Variants in MTMR3 observed in about 807,000 individuals in gnomAD.
MTMR3 encodes phosphatidylinositol-3,5-bisphosphate 3-phosphatase MTMR3.
A neutral mutation model predicts 132.4 loss-of-function variants in MTMR3; 32 were observed. The observed-to-expected ratio is 0.24, with a 90% CI of 0.18 to 0.32. The LOEUF is 0.32. Among genes scored for constraint, MTMR3 ranks in the 10% least tolerant of loss-of-function variants. The pLI, the probability that MTMR3 is intolerant of heterozygous loss-of-function variation, is 1.00. For synonymous variants in MTMR3, 556 were observed against 550.3 expected, an observed-to-expected ratio of 1.01 and a Z score of -0.14; for missense variants, 1,216 against 1,489.6, an observed-to-expected ratio of 0.82 and a Z score of 3.02.
rs375429154 is a variant in MTMR3, at chr22:29,978,917, G to A, written c.94-19G>A. 1.4e-5 allele frequency: 22 copies of A among 1,562,302 alleles called. No individual in the cohort carries two copies. The African/African-American group carries it at 1.8e-4, about 13-fold the overall frequency. The stretch of plus-strand genomic sequence containing the variant: ...TTTTAACTGCTTCAGAACTCTGAAG[G>A]GTTTCTTTCATTTCGAAGGTTCCTT... On this transcript the variant is annotated intron_variant, in intron 4 of 19. Coordinates refer to ENST00000401950, the MANE Select transcript of MTMR3 (RefSeq NM_021090.4).
Position 29,979,162 on chromosome 22 carries a change from A to G in MTMR3, c.210+110A>G, listed in dbSNP as rs778317304. The G allele has an allele frequency of 1.8e-4, 140 of 763,024 alleles. 1 individual carries two copies. The highest frequency in any genetic ancestry group is 3.0e-4 in the Non-Finnish European group (134 of 444,696). 47.3% of individuals were successfully genotyped at this position (763,024 alleles called of 1,614,324 possible). A position where few individuals can be genotyped will look rare whatever the true frequency, so the allele number is the denominator to read the frequency against. On this transcript the variant is annotated intron_variant, in intron 5 of 19. Transcript: ENST00000401950. The stretch of plus-strand genomic sequence containing the variant: ...ATACAGAATTGGGAGAGAAAGCATT[A>G]TGTGCTCTGCTTTTCTCACTTAATT...
chr22:29,948,513 T>C (rs1006588655), intron 1 of MTMR3, among the ~76,000 whole-genome samples: 9 of 152,200 alleles, frequency 5.9e-5, no homozygotes, highest in African/African-American at 2.2e-4. Context: ...ATGTTTAATA[T>C]CTCAAATACC....
Position 29,979,047 on chromosome 22 carries a change from G to C in MTMR3, c.205G>C (p.Val69Leu), listed in dbSNP as rs143751991. Residue 69 changes from valine (V) to leucine (L), a missense_variant, in exon 5 of 20, where the codon GTT (valine) becomes CTT (leucine). By Grantham distance (32) the Val-to-Leu change is conservative. Around this residue, in one of 7 missense-constraint regions of MTMR3, gnomAD observed 81 missense variants for 87.7 expected, o/e 0.92. Transcript: ENST00000401950. ...TCACATCAAGTTCAAGGAGTCTCTT[G>C]TTAATGTAAGTGATTACCAGCTGTT... is the stretch of plus-strand genomic sequence containing the variant. ...RLHIKFKESL[V>L]NVPLQLIESV... 49 of 1,588,670 alleles carry C rather than the reference G, an allele frequency of 3.1e-5. No homozygotes were observed. Among genetic ancestry groups the C allele is most frequent in the Non-Finnish European group, 4.0e-5 (46 of 1,156,930 alleles).
chr22:29,930,967 A>G (rs1466212231), intron 1 of MTMR3, among the ~76,000 whole-genome samples: 1 of 150,728 alleles, frequency 6.6e-6, no homozygotes, highest in Non-Finnish European at 1.5e-5. Context: ...TGATCACACC[A>G]CTGCACTCCA....
chr22:30,013,240 C>A, intron 13 of MTMR3, 116 bp from the exon 14 acceptor site: 1 of 1,042,644 alleles, frequency 9.6e-7, no homozygotes, highest in South Asian at 1.7e-5. Flanking sequence ...AGGGCAAGGC[C>A]GGGTGGGCTT....
At chr22:29,952,254 G>C (rs1382582712) in intron 1 of MTMR3, among the ~76,000 whole-genome samples, 1 of 152,108 alleles carries the variant, frequency 6.6e-6, no homozygotes, top group Non-Finnish European at 1.5e-5. Context: ...TTCTTGCTTA[G>C]GAAATGATAA....
intron 2 of MTMR3, among the ~76,000 whole-genome samples, chr22:29,959,096 T>A (rs2066256609): frequency 1.3e-5 from 2 of 152,236 alleles, no homozygotes; most frequent in African/African-American, 4.8e-5. Context: ...GAGTAATTTC[T>A]CTTTAACAGG....
intron 1 of MTMR3, among the ~76,000 whole-genome samples, chr22:29,953,599 C>G (rs1428824771): frequency 6.6e-6 from 1 of 152,132 alleles, no homozygotes. Flanking sequence ...ATATCCAATA[C>G]TGTAGTATTT....
intron 1 of MTMR3, among the ~76,000 whole-genome samples, chr22:29,901,176 T>C (rs2064996941): frequency 6.6e-6 from 1 of 152,006 alleles, no homozygotes; most frequent in South Asian, 2.1e-4. Flanking sequence ...AGATTGATGT[T>C]AATATTTATT....
intron 5 of MTMR3, chr22:29,981,538 A>T (rs1202600539): frequency 3.3e-5 from 5 of 152,192 alleles, no homozygotes; most frequent in Non-Finnish European, 1.5e-5. Flanking sequence ...ATGTTACTTA[A>T]AAAGCCCAGG....
Position 30,022,732 on chromosome 22 carries a change from T to C in MTMR3, c.3425+35T>C, listed in dbSNP as rs921861653. The C allele has an allele frequency of 5.1e-6, 8 of 1,575,590 alleles. No individual in the cohort carries two copies. The Admixed American group carries it at 1.2e-4, about 23-fold the overall frequency. ...AGGGGCTGTGGTAGGGTGGGCTGTG[T>C]GTGGAGGTTGAGGGTCGGCCCACAG... is the stretch of plus-strand genomic sequence containing the variant. On this transcript the variant is annotated intron_variant, in intron 19 of 19. Transcript: ENST00000401950.
intron 1 of MTMR3, among the ~76,000 whole-genome samples, chr22:29,919,129 T>C (rs1042012162): frequency 6.6e-6 from 1 of 152,216 alleles, no homozygotes; most frequent in Non-Finnish European, 1.5e-5. Context: ...TCGGAAAATA[T>C]ATGACTGCAT....
At chr22:29,967,121 T>C (rs1250577665) in intron 2 of MTMR3, among the ~76,000 whole-genome samples, 2 of 151,938 alleles carry the variant, frequency 1.3e-5, no homozygotes, top group Admixed American at 1.3e-4. Context: ...GCTGGGTTGA[T>C]ACTGTAACTT....
chr22:29,971,118 A>G (rs1697665791), intron 3 of MTMR3, 56 bp downstream of exon 3: 2 of 1,543,188 alleles, frequency 1.3e-6, no homozygotes, highest in South Asian at 1.2e-5. Context: ...TGTCCTGACA[A>G]TTAAGTGAAC....
intron 16 of MTMR3, 115 bp from the exon 17 acceptor site, chr22:30,019,365 A>T: frequency 1.0e-6 from 1 of 953,766 alleles, no homozygotes; most frequent in South Asian, 1.7e-5. Context: ...CTACAGCTCC[A>T]TGAGTAGCCA....
At chr22:29,986,817 A>G (rs112159278) in intron 5 of MTMR3, 6,603 of 151,648 alleles carry the variant, frequency 0.044, 483 homozygotes, top group African/African-American at 0.15. Context: ...ACATGCACCA[A>G]AATTACAGGC....
At chr22:29,922,590 T>C (rs1399066049) in intron 1 of MTMR3, among the ~76,000 whole-genome samples, 5 of 152,252 alleles carry the variant, frequency 3.3e-5, no homozygotes, top group African/African-American at 9.6e-5. Context: ...TTGTGAAGAA[T>C]GCTCCTATGA....
intron 3 of MTMR3, among the ~76,000 whole-genome samples, chr22:29,972,034 T>C (rs989999412): frequency 6.6e-6 from 1 of 152,234 alleles, no homozygotes; most frequent in African/African-American, 2.4e-5. Flanking sequence ...AAATGTCATA[T>C]TAAAAGGAAG....
chr22:29,991,727 G>T, intron 7 of MTMR3, 57 bp downstream of exon 7: 3 of 1,482,806 alleles, frequency 2.0e-6, no homozygotes, highest in South Asian at 1.4e-5. Flanking sequence ...ACTGATGGAG[G>T]TACTTTTAAC....
Sources: gnomAD v4.1 joint callset for allele counts (sites outside exome capture counted in the v4.1 genomes callset) on GRCh38, gnomAD v4.1.1 for gene constraint, gnomAD v4.1.1 regional missense constraint, MANE v1.5 for transcripts, NCBI Gene and HGNC (gene_info 2026-07-23, HGNC 2026-07-21) for gene names.